The following MACROD2 variants were observed in gnomAD, a reference collection of about 807,000 sequenced individuals.
MACROD2 encodes the protein mono-ADP ribosylhydrolase 2.
In MACROD2, 36 loss-of-function variants were observed where a neutral mutation model predicts 70.4. That is an observed-to-expected ratio of 0.51 (90% CI 0.39 to 0.68). MACROD2 has a LOEUF of 0.68. Among genes scored for constraint, MACROD2 ranks in the 30% least tolerant of loss-of-function variants. The pLI, the probability that MACROD2 is intolerant of heterozygous loss-of-function variation, is 0.00. For synonymous variants in MACROD2, 172 were observed against 178.8 expected, an observed-to-expected ratio of 0.96 and a Z score of 0.30; for missense variants, 496 against 538.4, an observed-to-expected ratio of 0.92 and a Z score of 0.78.
At chr20:15,655,639 G>A (rs1022665902) in intron 8 of MACROD2, among the ~76,000 whole-genome samples, 3 of 152,114 alleles carry the variant, frequency 2.0e-5, no homozygotes, top group Admixed American at 1.3e-4. Flanking sequence ...GAAAAGACAC[G>A]TCAACATTAT....
intron 6 of MACROD2, among the ~76,000 whole-genome samples, chr20:15,347,997 T>C (rs1187939542): frequency 2.0e-5 from 3 of 152,212 alleles, no homozygotes. Context: ...TACAACGTAC[T>C]CACCAACCCC....
At chr20:14,082,487 T>G (rs2054012777) in intron 2 of MACROD2, among the ~76,000 whole-genome samples, 1 of 151,918 alleles carries the variant, frequency 6.6e-6, no homozygotes, top group African/African-American at 2.4e-5. Flanking sequence ...CCACCGCGCC[T>G]GGCCCTCCCA....
At chr20:14,001,316 G>A (rs538522771) in intron 1 of MACROD2, among the ~76,000 whole-genome samples, 1 of 152,224 alleles carries the variant, frequency 6.6e-6, no homozygotes, top group South Asian at 2.1e-4. Context: ...GCCATAGTGA[G>A]TTCTTTATAA....
intron 8 of MACROD2, among the ~76,000 whole-genome samples, chr20:15,638,219 C>T (rs369502698): frequency 2.6e-5 from 4 of 152,306 alleles, no homozygotes; most frequent in African/African-American, 7.2e-5. Context: ...ATGGCAACCT[C>T]GGGCTCTGTT....
intron 12 of MACROD2, among the ~76,000 whole-genome samples, chr20:15,944,841 G>A (rs1364107053): frequency 1.3e-5 from 2 of 152,102 alleles, no homozygotes; most frequent in East Asian, 1.9e-4. Flanking sequence ...TCATTTTGGA[G>A]ACTATCTATC....
intron 7 of MACROD2, among the ~76,000 whole-genome samples, chr20:15,461,411 G>C (rs2046816807): frequency 6.6e-6 from 1 of 151,902 alleles, no homozygotes; most frequent in South Asian, 2.1e-4. Flanking sequence ...TAATATTAGG[G>C]TTATATGTTA....
intron 3 of MACROD2, among the ~76,000 whole-genome samples, chr20:14,435,555 T>C (rs1414963147): frequency 2.0e-5 from 3 of 152,068 alleles, no homozygotes; most frequent in Non-Finnish European, 4.4e-5. Context: ...ATTCAACAGA[T>C]AGTTATTGAG....
intron 6 of MACROD2, among the ~76,000 whole-genome samples, chr20:15,416,796 G>A (rs1398275224): frequency 3.3e-5 from 5 of 152,154 alleles, no homozygotes; most frequent in East Asian, 1.9e-4. Flanking sequence ...CCAGCTACTC[G>A]GGAGGCTGAG....
At chr20:14,998,805 C>T (rs1172638478) in intron 5 of MACROD2, among the ~76,000 whole-genome samples, 3 of 152,086 alleles carry the variant, frequency 2.0e-5, no homozygotes, top group Non-Finnish European at 4.4e-5. Flanking sequence ...GCAACTTTAA[C>T]CCAAAGAAGA....
chr20:14,901,634 G>A (rs2073895652), intron 5 of MACROD2, among the ~76,000 whole-genome samples: 1 of 152,074 alleles, frequency 6.6e-6, no homozygotes, highest in Non-Finnish European at 1.5e-5. Context: ...ACAATATGCT[G>A]TATATTTAAA....
chr20:15,698,181 A>T (rs1019856230), intron 8 of MACROD2, among the ~76,000 whole-genome samples: 8 of 152,126 alleles, frequency 5.3e-5, no homozygotes, highest in African/African-American at 1.9e-4. Flanking sequence ...TGTGTGATTT[A>T]TGCTTTAAAG....
At chr20:14,751,081 A>G (rs2071863734) in intron 5 of MACROD2, among the ~76,000 whole-genome samples, 1 of 152,094 alleles carries the variant, frequency 6.6e-6, no homozygotes, top group Non-Finnish European at 1.5e-5. Flanking sequence ...CCAAACTTTA[A>G]CTGAACTTTA....
chr20:14,223,011 CT>C (rs1027349663), intron 3 of MACROD2: 1 of 152,204 alleles, frequency 6.6e-6, no homozygotes, highest in Non-Finnish European at 1.5e-5. Flanking sequence ...ATAGGCTTTG[CT>C]TGCTCACATA....
chr20:15,626,277 G>T (rs373574398), intron 8 of MACROD2, among the ~76,000 whole-genome samples: 4 of 152,298 alleles, frequency 2.6e-5, no homozygotes, highest in South Asian at 2.1e-4. Context: ...ATTACACACT[G>T]GGATATGTTA....
chr20:14,280,395 T>C (rs1289886854), intron 3 of MACROD2, among the ~76,000 whole-genome samples: 3 of 152,182 alleles, frequency 2.0e-5, no homozygotes, highest in African/African-American at 7.2e-5. Context: ...TTTCCTAAGG[T>C]TGAATATAAA....
At chr20:15,940,274 T>A (rs1601175932) in intron 12 of MACROD2, among the ~76,000 whole-genome samples, 1 of 133,116 alleles carries the variant, frequency 7.5e-6, no homozygotes, top group Non-Finnish European at 1.6e-5. Flanking sequence ...TTTTTTTTTT[T>A]AAGTAGAGAC....
At chr20:15,611,555 A>G (rs6105441) in intron 8 of MACROD2, among the ~76,000 whole-genome samples, 5,344 of 151,910 alleles carry the variant, frequency 0.035, 311 homozygotes, top group African/African-American at 0.12. Flanking sequence ...AGGACCCTAT[A>G]GTTATTTTAG....
At chr20:14,833,921 G>T (rs1314207885) in intron 5 of MACROD2, among the ~76,000 whole-genome samples, 2 of 152,028 alleles carry the variant, frequency 1.3e-5, no homozygotes, top group Non-Finnish European at 2.9e-5. Flanking sequence ...GATTCAAAAT[G>T]TGAAAAATGA....
intron 8 of MACROD2, among the ~76,000 whole-genome samples, chr20:15,738,030 A>T (rs2051050206): frequency 1.3e-5 from 2 of 152,200 alleles, no homozygotes; most frequent in Non-Finnish European, 2.9e-5. Flanking sequence ...AGACAGTAGA[A>T]CGATGGTTAC....
Sources: gnomAD v4.1 joint callset for allele counts (sites outside exome capture counted in the v4.1 genomes callset) on GRCh38, gnomAD v4.1.1 for gene constraint, MANE v1.5 for transcripts, NCBI Gene and HGNC (gene_info 2026-07-23, HGNC 2026-07-21) for gene names.